Variants in GOPC observed in about 807,000 individuals in gnomAD.
GOPC encodes the protein golgi associated PDZ and coiled-coil motif containing, also known as Golgi-associated PDZ and coiled-coil motif-containing protein.
In GOPC, 32 loss-of-function variants were observed where a neutral mutation model predicts 51.2. The observed-to-expected ratio is 0.63, with a 90% CI of 0.47 to 0.84. The LOEUF (loss-of-function observed/expected upper bound fraction) is 0.84, where lower values mean the gene tolerates loss of function less well. GOPC is among the 40% of genes least tolerant of loss of function. GOPC has a pLI of 0.00. For missense variants in GOPC, 441 were observed against 555.5 expected, an observed-to-expected ratio of 0.79 and a Z score of 2.07; for synonymous variants, 190 against 205.1, an observed-to-expected ratio of 0.93 and a Z score of 0.63.
At position 117,563,001 on chromosome 6, in the gene GOPC, G is replaced by A. The variant is rs1007725533; in HGVS notation, c.*253C>T. ...TTAAGAGCCCAGTAATACCCCTTTG[G>A]GAAACACATGCTTTGGTGCTTACAA... On this transcript the variant is annotated 3_prime_UTR_variant, in exon 9 of 9. Transcript: ENST00000368498. 27 of 439,634 alleles carry A rather than the reference G, an allele frequency of 6.1e-5. No individual in the cohort carries two copies. Among genetic ancestry groups the A allele is most frequent in the South Asian group, 4.2e-4 (14 of 33,508 alleles). 27.2% of individuals were successfully genotyped at this position (439,634 alleles called of 1,614,324 possible). A position where few individuals can be genotyped will look rare whatever the true frequency, so the allele number is the denominator to read the frequency against.
chr6:117,575,283 A>G lies in GOPC; in HGVS notation c.544T>C (p.Leu182=), dbSNP rs1393688001. ...EAQLEAEVKL[L]RKENEALRRH... is the part of the protein sequence containing the mutation. ...CGAAGGGCTTCATTCTCTTTTCTCA[A>G]CAATTTCACTTCAGCTTCAAGTTGT... The change falls in exon 4 of 9, where the codon TTG becomes CTG. Residue 182 remains leucine (L), a synonymous_variant. Coordinates refer to ENST00000368498, the MANE Select transcript of GOPC (RefSeq NM_020399.4). The G allele has an allele frequency of 6.2e-7, 1 of 1,613,622 alleles. No individual in the cohort carries two copies. The highest frequency in any genetic ancestry group is 1.3e-5 in the African/African-American group (1 of 74,906).
Position 117,566,987 on chromosome 6 carries a change from A to G in GOPC, c.1125T>C (p.Asp375=). The G allele has an allele frequency of 1.2e-6, 2 of 1,609,882 alleles. No homozygotes were observed. Among genetic ancestry groups the G allele is most frequent in the Non-Finnish European group, 1.7e-6 (2 of 1,178,386 alleles). ...FEVVYVAPEV[D]SDDENVEYED... ...CATACTCTACGTTTTCATCATCAGA[A>G]TCCACTTCAGGAGCCACATAAACTA... Residue 375 remains aspartate (D), a synonymous_variant, in exon 8 of 9, where the codon GAT becomes GAC. Coordinates refer to ENST00000368498, the MANE Select transcript of GOPC (RefSeq NM_020399.4).
chr6:117,565,317 T>G (rs1214302701), intron 8 of GOPC, among the ~76,000 whole-genome samples: 2 of 152,220 alleles, frequency 1.3e-5, no homozygotes, highest in Non-Finnish European at 2.9e-5. Context: ...CACACAGATA[T>G]GTAGTTGCTA....
rs1408280139 is a variant in GOPC, at chr6:117,561,973, G to C, written c.*1281C>G. ...TGAAGATACTGATAATATTCTAAAA[G>C]CCTTGTAGGCTTTCTCCCACTTAAT... On this transcript the variant is annotated 3_prime_UTR_variant, in exon 9 of 9. Transcript: ENST00000368498. 9.7e-6 allele frequency: 2 copies of C among 206,844 alleles called. No homozygotes were observed. The highest frequency in any genetic ancestry group is 4.6e-5 in the African/African-American group (2 of 43,902). 12.8% of individuals were successfully genotyped at this position (206,844 alleles called of 1,614,324 possible).
chr6:117,594,295 A>G (rs1780161361), intron 1 of GOPC, among the ~76,000 whole-genome samples: 1 of 152,176 alleles, frequency 6.6e-6, no homozygotes, highest in Non-Finnish European at 1.5e-5. Flanking sequence ...GCAATGTTGA[A>G]TGGCATTCCT....
rs79581925 is a variant in GOPC, at chr6:117,587,713, T to C, written c.286-8649A>G. On this transcript the variant is annotated intron_variant, in intron 1 of 8. Transcript: ENST00000368498. Reference sequence around the variant, plus strand: ...TATTTTCATTATAATAAAACATTATTTGTCTTTTTCACTATGTTGACATAC... The same window carrying C: ...TATTTTCATTATAATAAAACATTATCTGTCTTTTTCACTATGTTGACATAC... 2.3e-3 allele frequency among the ~76,000 whole-genome samples: 355 copies of C among 152,218 alleles called. 2 individuals are homozygous for C. The highest frequency in any genetic ancestry group is 4.2e-3 in the Non-Finnish European group (288 of 68,012).
chr6:117,589,950 T>TA (rs1780090612), intron 1 of GOPC, among the ~76,000 whole-genome samples: 1 of 152,178 alleles, frequency 6.6e-6, no homozygotes, highest in Non-Finnish European at 1.5e-5. Flanking sequence ...CAAAATAAGA[T>TA]ACCATGAAAT....
rs1440193709 is a variant in GOPC, at chr6:117,560,524, AC to A, written c.*2729del. 5.1e-6 allele frequency: 1 copy of A among 194,614 alleles called. No homozygotes were observed. Among genetic ancestry groups the A allele is most frequent in the Non-Finnish European group, 1.1e-5 (1 of 93,136 alleles). 12.1% of individuals were successfully genotyped at this position (194,614 alleles called of 1,614,324 possible). A position where few individuals can be genotyped will look rare whatever the true frequency, so the allele number is the denominator to read the frequency against. On this transcript the variant is annotated 3_prime_UTR_variant, in exon 9 of 9. Transcript: ENST00000368498. ...TCACATGAAACCTTTTTGTTTCTAA[AC>A]ATGAAAACAGCATAAGTCCACTGCA...
intron 6 of GOPC, 102 bp downstream of exon 6, chr6:117,570,758 A>C (rs1779793205): frequency 2.2e-6 from 1 of 447,004 alleles, no homozygotes. Context: ...TAGTTATTTA[A>C]AAAATATATC....
chr6:117,598,327 T>C (rs1318257699), intron 1 of GOPC, among the ~76,000 whole-genome samples: 2 of 151,860 alleles, frequency 1.3e-5, no homozygotes, highest in East Asian at 3.9e-4. Flanking sequence ...GAGCTATGAT[T>C]GCACCACTGC....
rs544470982 is a variant in GOPC, at chr6:117,594,949, T to TTAC, written c.285+7052_285+7054dup. Among the ~76,000 whole-genome samples the TTAC allele has an allele frequency of 7.4e-4, 113 of 152,290 alleles. 1 individual carries two copies. In the East Asian group the frequency reaches 0.02, roughly 27 times the overall value. On this transcript the variant is annotated intron_variant, in intron 1 of 8. Transcript: ENST00000368498. The stretch of plus-strand genomic sequence containing the variant: ...TCCAACACACCTACTACTGCTAGTA[T>TTAC]TACTATTCCTACTGTAAACCTAAAA...
chr6:117,588,787 T>C (rs955127704), intron 1 of GOPC, among the ~76,000 whole-genome samples: 5 of 149,948 alleles, frequency 3.3e-5, no homozygotes, highest in Admixed American at 3.3e-4. Flanking sequence ...TTATATTTTA[T>C]ATTTTTATAT....
intron 1 of GOPC, among the ~76,000 whole-genome samples, chr6:117,591,435 G>A (rs911809179): frequency 2.6e-5 from 4 of 152,152 alleles, no homozygotes; most frequent in Non-Finnish European, 5.9e-5. Flanking sequence ...AGAAAGATGT[G>A]GTAAACGCTA....
In GOPC at chr6:117,561,353, A is replaced by T; in HGVS notation, c.*1901T>A. The T allele has an allele frequency of 4.4e-6, 1 of 225,030 alleles. No homozygotes were observed. Among genetic ancestry groups the T allele is most frequent in the Non-Finnish European group, 8.9e-6 (1 of 112,848 alleles). The allele number at this position is 225,030 out of a possible 1,614,324, so 13.9% of individuals were successfully genotyped here. ...CATTTCCTAAGGATTCAGTCATAGC[A>T]GATAAAGGATGTTCTCTGAAAAAAA... is the stretch of plus-strand genomic sequence containing the variant. On this transcript the variant is annotated 3_prime_UTR_variant, in exon 9 of 9. Transcript: ENST00000368498.
intron 1 of GOPC, among the ~76,000 whole-genome samples, chr6:117,599,488 T>C (rs1322650102): frequency 6.6e-6 from 1 of 152,326 alleles, no homozygotes; most frequent in East Asian, 1.9e-4. Context: ...AATACACAAT[T>C]GATTCCATAA....
At chr6:117,596,904 T>G (rs1272374693) in intron 1 of GOPC, among the ~76,000 whole-genome samples, 1 of 152,124 alleles carries the variant, frequency 6.6e-6, no homozygotes, top group Non-Finnish European at 1.5e-5. Context: ...TTAGGATTGT[T>G]TTTTCTAGTT....
chr6:117,595,911 T>C lies in GOPC; in HGVS notation c.285+6093A>G, dbSNP rs541044754. Among the ~76,000 whole-genome samples the C allele has an allele frequency of 5.2e-4, 79 of 152,312 alleles. No homozygotes were observed. The South Asian group carries it at 0.013, about 24-fold the overall frequency. On this transcript the variant is annotated intron_variant, in intron 1 of 8. Coordinates refer to ENST00000368498, the MANE Select transcript of GOPC (RefSeq NM_020399.4). Reference sequence around the variant, plus strand: ...AATGACTTCTTTTCCTCTGGGTAAATACCCAGGAGTGGGGTTGCTGGATCA... The same window carrying C: ...AATGACTTCTTTTCCTCTGGGTAAACACCCAGGAGTGGGGTTGCTGGATCA...
intron 3 of GOPC, 53 bp downstream of exon 3, chr6:117,577,395 C>T: frequency 1.3e-6 from 2 of 1,501,638 alleles, no homozygotes; most frequent in Non-Finnish European, 9.1e-7. Context: ...AAATAAAACA[C>T]TAAGAACACT....
chr6:117,591,441 C>T (rs548424811), intron 1 of GOPC, among the ~76,000 whole-genome samples: 41 of 152,240 alleles, frequency 2.7e-4, no homozygotes, highest in South Asian at 1.9e-3. Flanking sequence ...ATGTGGTAAA[C>T]GCTAATTATA....
Sources: allele counts gnomAD v4.1 joint callset (sites outside exome capture counted in the v4.1 genomes callset), GRCh38; gene constraint gnomAD v4.1.1; transcripts MANE v1.5; gene names NCBI Gene and HGNC (gene_info 2026-07-23, HGNC 2026-07-21).